The following ADGRE3 variants were observed in gnomAD, a reference collection of about 807,000 sequenced individuals.
ADGRE3 encodes the protein EGF-like module receptor 3.
A neutral mutation model predicts 80.1 loss-of-function variants in ADGRE3; 88 were observed. The ratio of observed to expected loss-of-function variants is 1.10; its 90% CI spans 0.93 to 1.31. The LOEUF is 1.31. Among genes scored for constraint, ADGRE3 ranks in the 40% most tolerant of loss-of-function variants. ADGRE3 has a pLI of 0.00. For synonymous variants in ADGRE3, 281 were observed against 294.8 expected, an observed-to-expected ratio of 0.95 and a Z score of 0.48; for missense variants, 715 against 776.5, an observed-to-expected ratio of 0.92 and a Z score of 0.94.
chr19:14,624,096 C>CT (rs760687394), intron 15 of ADGRE3, among the ~76,000 whole-genome samples: 7,364 of 139,824 alleles, frequency 0.053, 227 homozygotes, highest in Admixed American at 0.069. Context: ...ACCTGGCTTC[C>CT]TTTTTTTTTT....
intron 14 of ADGRE3, chr19:14,628,645 AC>A: frequency 3.0e-6 from 1 of 335,186 alleles, no homozygotes; most frequent in Non-Finnish European, 5.8e-6. Flanking sequence ...GAAGTTCAAG[AC>A]CTCATCATGC....
chr19:14,641,007 A>G (rs1367738985), intron 10 of ADGRE3, among the ~76,000 whole-genome samples: 1 of 152,158 alleles, frequency 6.6e-6, no homozygotes, highest in Non-Finnish European at 1.5e-5. Flanking sequence ...ATGGAGTAAT[A>G]CAACCAATGA....
At chr19:14,658,613 C>T in intron 4 of ADGRE3, 63 bp from the exon 5 acceptor site, 1 of 1,324,610 alleles carries the variant, frequency 7.5e-7, no homozygotes, top group Non-Finnish European at 1.0e-6. Flanking sequence ...GAGGGGTGGG[C>T]AGGTGGGGTA....
At chr19:14,638,753 T>C (rs1971169825) in intron 10 of ADGRE3, among the ~76,000 whole-genome samples, 1 of 152,088 alleles carries the variant, frequency 6.6e-6, no homozygotes, top group Admixed American at 6.6e-5. Context: ...AAACTAAGAC[T>C]TTGTATACTT....
In ADGRE3 at chr19:14,619,358, T is replaced by A. The variant is rs1970469437; in HGVS notation, c.*75A>T. ...ATGATATGTTTAATGAATTCCCTTTTCCTTAGCTTCATTCTTCATAATGCC... is the reference window on the plus strand; with the variant it reads ...ATGATATGTTTAATGAATTCCCTTTACCTTAGCTTCATTCTTCATAATGCC... On this transcript the variant is annotated 3_prime_UTR_variant, in exon 16 of 16. Transcript: ENST00000253673. The A allele has an allele frequency of 5.4e-6, 6 of 1,107,258 alleles. No individual in the cohort carries two copies. The Admixed American group carries it at 1.0e-4, about 19-fold the overall frequency. 68.6% of individuals were successfully genotyped at this position (1,107,258 alleles called of 1,614,324 possible).
chr19:14,633,720 AAAT>A (rs1466049190), intron 11 of ADGRE3, among the ~76,000 whole-genome samples: 10 of 147,372 alleles, frequency 6.8e-5, no homozygotes, highest in African/African-American at 2.5e-4. Context: ...AAATAAAATA[AAAT>A]AAAATAAAAT....
chr19:14,628,184 A>G (rs1000227392), intron 14 of ADGRE3, among the ~76,000 whole-genome samples: 3 of 151,918 alleles, frequency 2.0e-5, no homozygotes, highest in Non-Finnish European at 4.4e-5. Flanking sequence ...ACTGGATGCT[A>G]TGATATGCCT....
intron 6 of ADGRE3, among the ~76,000 whole-genome samples, chr19:14,653,453 G>T (rs1428457295): frequency 6.6e-6 from 1 of 151,922 alleles, no homozygotes; most frequent in African/African-American, 2.4e-5. Context: ...AGAGTGGAAA[G>T]ATAGAATAAT....
At chr19:14,667,461 C>T (rs1245472710) in intron 2 of ADGRE3, among the ~76,000 whole-genome samples, 3 of 151,686 alleles carry the variant, frequency 2.0e-5, no homozygotes, top group Non-Finnish European at 4.4e-5. Context: ...CAGTGATAGA[C>T]TGGATTAAGA....
chr19:14,655,847 T>C (rs759039577), intron 5 of ADGRE3, among the ~76,000 whole-genome samples: 2 of 151,966 alleles, frequency 1.3e-5, no homozygotes, highest in Non-Finnish European at 2.9e-5. Context: ...GGGGGGGTGA[T>C]TCTGCTACTC....
chr19:14,620,547 A>ATATTTT (rs1412981962), intron 15 of ADGRE3, among the ~76,000 whole-genome samples: 1 of 13,962 alleles, frequency 7.2e-5, no homozygotes, highest in African/African-American at 4.2e-4. Context: ...TTATATATAT[A>ATATTTT]TTATATATAT....
At chr19:14,649,581 T>C (rs186743981) in intron 7 of ADGRE3, among the ~76,000 whole-genome samples, 18 of 148,994 alleles carry the variant, frequency 1.2e-4, no homozygotes, top group South Asian at 4.4e-4. Context: ...TCCATCTCTT[T>C]CTCCTCATCT....
chr19:14,643,958 G>T, intron 9 of ADGRE3, 150 bp downstream of exon 9: 1 of 454,006 alleles, frequency 2.2e-6, no homozygotes, highest in Non-Finnish European at 3.7e-6. Flanking sequence ...TGATCTGCCC[G>T]TCTTGGCCTC....
intron 10 of ADGRE3, among the ~76,000 whole-genome samples, chr19:14,640,516 C>T (rs1019798391): frequency 6.6e-6 from 1 of 151,968 alleles, no homozygotes; most frequent in Non-Finnish European, 1.5e-5. Context: ...GCCTTGAACT[C>T]CTGACCTCAG....
intron 5 of ADGRE3, among the ~76,000 whole-genome samples, chr19:14,656,488 T>C (rs1971768505): frequency 2.6e-5 from 4 of 151,988 alleles, no homozygotes. Context: ...CTAGATTTTA[T>C]AGTCAGGCTG....
chr19:14,648,231 T>C (rs1382726492), intron 7 of ADGRE3, among the ~76,000 whole-genome samples: 1 of 152,136 alleles, frequency 6.6e-6, no homozygotes, highest in Non-Finnish European at 1.5e-5. Flanking sequence ...GCACCCTGGC[T>C]CGAATCCCTG....
At chr19:14,601,589 A>G in the ADGRE3 span, among the ~76,000 whole-genome samples, 1 of 152,074 alleles carries the variant, frequency 6.6e-6, no homozygotes, top group East Asian at 1.9e-4. Context: ...TCTTGACCAT[A>G]GACATAGGAC....
chr19:14,648,272 A>G (rs189338127), intron 7 of ADGRE3, among the ~76,000 whole-genome samples: 1 of 152,184 alleles, frequency 6.6e-6, no homozygotes, highest in East Asian at 1.9e-4. Context: ...ATGCTGATTA[A>G]TTCTGCTGTA....
intron 13 of ADGRE3, among the ~76,000 whole-genome samples, chr19:14,631,123 C>T (rs62124015): frequency 0.38 from 56,975 of 151,782 alleles, 11,025 homozygotes; most frequent in Admixed American, 0.43. Flanking sequence ...CCACCTGCCT[C>T]GGCCTCCCAA....
Sources: gnomAD v4.1 joint callset for allele counts (sites outside exome capture counted in the v4.1 genomes callset) on GRCh38, gnomAD v4.1.1 for gene constraint, MANE v1.5 for transcripts, NCBI Gene and HGNC (gene_info 2026-07-23, HGNC 2026-07-21) for gene names.